The following ZNF841 variants were observed in gnomAD, a reference collection of about 807,000 sequenced individuals.
ZNF841 encodes zinc finger protein 841, also known as TCONS_00006091.
A neutral mutation model predicts 13.0 loss-of-function variants in ZNF841; 11 were observed. The observed-to-expected ratio is 0.85, with a 90% confidence interval of 0.53 to 1.40. The LOEUF is 1.40. ZNF841 is among the 40% of genes most tolerant of loss of function. The pLI, the probability that ZNF841 is intolerant of heterozygous loss-of-function variation, is 0.00. For synonymous variants in ZNF841, 369 were observed against 381.6 expected (o/e 0.97, Z 0.38); for missense variants, 1,068 against 1,139.5 (o/e 0.94, Z 0.90).
At chr19:52,079,806 A>G (rs191632360) in intron 4 of ZNF841, among the ~76,000 whole-genome samples, 227 of 152,232 alleles carry the variant, frequency 1.5e-3, no homozygotes, top group Non-Finnish European at 1.5e-3. Context: ...AGCCTGACCA[A>G]CATGGAGAAA....
At chr19:52,094,556 TC>T (rs1219684392) in intron 1 of ZNF841, among the ~76,000 whole-genome samples, 9 of 152,022 alleles carry the variant, frequency 5.9e-5, no homozygotes, top group African/African-American at 1.9e-4. Context: ...CTGCCTCTTT[TC>T]CCCCATCTAA....
intron 6 of ZNF841, among the ~76,000 whole-genome samples, chr19:52,071,833 AAT>A (rs1327939788): frequency 6.6e-6 from 1 of 152,230 alleles, no homozygotes; most frequent in African/African-American, 2.4e-5. Flanking sequence ...ACACAATGGC[AAT>A]ATAAGTCCTT....
chr19:52,072,760 A>G (rs2087776034), intron 6 of ZNF841, among the ~76,000 whole-genome samples: 1 of 152,196 alleles, frequency 6.6e-6, no homozygotes, highest in African/African-American at 2.4e-5. Context: ...TGGAGGTTGC[A>G]GTGAGCCGAG....
chr19:52,060,773 T>C (rs1338085569), downstream of ZNF841, among the ~76,000 whole-genome samples: 7 of 152,132 alleles, frequency 4.6e-5, no homozygotes, highest in African/African-American at 1.7e-4. Flanking sequence ...CAGGGCAAAC[T>C]CACAGGTTTC....
intron 3 of ZNF841, among the ~76,000 whole-genome samples, chr19:52,085,749 C>T (rs1408235218): frequency 2.0e-5 from 3 of 152,094 alleles, no homozygotes; most frequent in African/African-American, 7.2e-5. Flanking sequence ...GCAGAGGGAG[C>T]AGGAAGGACA....
rs759988224 is a variant in ZNF841, at chr19:52,066,126, G to A, written c.1756C>T (p.Arg586Cys). The change falls in exon 7 of 7, where the codon CGT (arginine) becomes TGT (cysteine). Residue 586 changes from arginine to cysteine, a missense_variant. By Grantham distance (180) the Arg-to-Cys change is radical (BLOSUM62 -3). Transcript: ENST00000594440. ...MVFTYYSCLA[R>C]HQRMHTGEKP... ...TCTCCGGTATGCATTCTTTGATGAC[G>A]TGCTAGGCATGAATAGTAAGTGAAG... 17 of 1,611,498 alleles carry A rather than the reference G, an allele frequency of 1.1e-5. No homozygotes were observed. Among genetic ancestry groups the A allele is most frequent in the Non-Finnish European group, 1.4e-5 (17 of 1,179,372 alleles).
chr19:52,063,264 C>T (rs1231321315), downstream of ZNF841, among the ~76,000 whole-genome samples: 1 of 152,170 alleles, frequency 6.6e-6, no homozygotes, highest in African/African-American at 2.4e-5. Flanking sequence ...AGACACACTA[C>T]TGATTAAAGG....
At position 52,084,892 on chromosome 19, in the gene ZNF841, A is replaced by C; in HGVS notation, c.-77-14T>G. 1.4e-6 allele frequency: 2 copies of C among 1,388,930 alleles called. No individual in the cohort carries two copies. Among genetic ancestry groups the C allele is most frequent in the Non-Finnish European group, 2.0e-6 (2 of 1,013,282 alleles). The allele number at this position is 1,388,930 out of a possible 1,614,324, so 86.0% of individuals were successfully genotyped here. On this transcript the variant is annotated splice_polypyrimidine_tract_variant and intron_variant, in intron 3 of 6. Transcript: ENST00000594440. ...TAAAAGTCAAATCTGAAAGTCAAAA[A>C]TATGTTGTTTAATCCTTGGAAACAA...
At chr19:52,086,996 C>T (rs990635352) in intron 3 of ZNF841, among the ~76,000 whole-genome samples, 9 of 152,188 alleles carry the variant, frequency 5.9e-5, no homozygotes, top group Non-Finnish European at 7.3e-5. Flanking sequence ...GGGGTACTCA[C>T]TACAGGCAGA....
chr19:52,064,066 C>T (rs565937229), downstream of ZNF841, among the ~76,000 whole-genome samples: 19 of 152,062 alleles, frequency 1.2e-4, no homozygotes, highest in African/African-American at 4.1e-4. Flanking sequence ...ATATTCTGGC[C>T]GGGCGCAGTG....
intron 6 of ZNF841, 66 bp downstream of exon 6, chr19:52,075,978 C>A: frequency 6.6e-7 from 1 of 1,518,832 alleles, no homozygotes. Flanking sequence ...AGAACTCTCC[C>A]ACTTGCAGAG....
intron 4 of ZNF841, among the ~76,000 whole-genome samples, chr19:52,079,445 A>AC (rs1048718469): frequency 5.3e-5 from 8 of 151,380 alleles, no homozygotes; most frequent in African/African-American, 1.9e-4. Flanking sequence ...AAAAAAAAAA[A>AC]AAAAAAAACC....
At chr19:52,092,984 C>T (rs1202369251) in intron 2 of ZNF841, among the ~76,000 whole-genome samples, 4 of 152,070 alleles carry the variant, frequency 2.6e-5, no homozygotes, top group South Asian at 4.1e-4. Flanking sequence ...GGCGTGGTGG[C>T]GGGTGCCTGT....
chr19:52,058,631 G>C, the ZNF841 span: 3 of 152,506 alleles, frequency 2.0e-5, no homozygotes, highest in African/African-American at 7.2e-5. Context: ...TTACATAACT[G>C]TTGAAAGTGC....
chr19:52,067,867 C>T (rs1026693772), intron 6 of ZNF841, among the ~76,000 whole-genome samples: 1 of 152,020 alleles, frequency 6.6e-6, no homozygotes, highest in African/African-American at 2.4e-5. Context: ...GTTATGCAAA[C>T]ATATATGAGC....
chr19:52,062,116 G>A (rs2087411707), downstream of ZNF841, among the ~76,000 whole-genome samples: 1 of 152,140 alleles, frequency 6.6e-6, no homozygotes, highest in Non-Finnish European at 1.5e-5. Context: ...AAGCTAGGAA[G>A]CTACTCTAAA....
At chr19:52,073,084 C>A (rs1026187095) in intron 6 of ZNF841, among the ~76,000 whole-genome samples, 7 of 149,890 alleles carry the variant, frequency 4.7e-5, no homozygotes, top group Non-Finnish European at 1.0e-4. Context: ...CCTTGATAGT[C>A]AAAAAAAAAT....
chr19:52,076,663 A>T (rs1372481319), intron 5 of ZNF841, among the ~76,000 whole-genome samples: 2 of 151,892 alleles, frequency 1.3e-5, no homozygotes, highest in African/African-American at 4.8e-5. Flanking sequence ...AAAAAAAAAA[A>T]AAAAGCACAA....
intron 6 of ZNF841, among the ~76,000 whole-genome samples, chr19:52,070,565 T>G (rs1422695242): frequency 1.3e-5 from 2 of 152,176 alleles, no homozygotes; most frequent in African/African-American, 4.8e-5. Flanking sequence ...CAGCAAACCT[T>G]CTGTCAGCAG....
Sources: allele counts gnomAD v4.1 joint callset (sites outside exome capture counted in the v4.1 genomes callset), GRCh38; gene constraint gnomAD v4.1.1; transcripts MANE v1.5; gene names NCBI Gene and HGNC (gene_info 2026-07-23, HGNC 2026-07-21).